SMYD3: variants seen among roughly 807,000 people sequenced by gnomAD.
The protein encoded by SMYD3 is histone-lysine N-methyltransferase SMYD3.
A neutral mutation model predicts 57.7 loss-of-function variants in SMYD3; 36 were observed. That is an observed-to-expected ratio of 0.62 (90% CI 0.48 to 0.82). The LOEUF is 0.82. Ranked by LOEUF, SMYD3 falls within the 40% of genes least tolerant of loss-of-function variation. The probability of loss-of-function intolerance (pLI) is 0.00; values close to 1 mark genes in which losing one functional copy is unlikely to be tolerated. For synonymous variants in SMYD3, 211 were observed against 195.0 expected, an observed-to-expected ratio of 1.08 and a Z score of -0.68; for missense variants, 515 against 538.8, an observed-to-expected ratio of 0.96 and a Z score of 0.44.
At chr1:246,325,547 T>G (rs1279666491) in intron 5 of SMYD3, among the ~76,000 whole-genome samples, 1 of 152,102 alleles carries the variant, frequency 6.6e-6, no homozygotes, top group Non-Finnish European at 1.5e-5. Flanking sequence ...AGCATTATAT[T>G]AAAAATTGGT....
At chr1:245,825,790 G>A (rs1396115009) in intron 10 of SMYD3, among the ~76,000 whole-genome samples, 2 of 151,680 alleles carry the variant, frequency 1.3e-5, no homozygotes. Flanking sequence ...CTGTGAGACA[G>A]ATACTAATTA....
At chr1:246,169,069 C>T (rs1572146043) in intron 5 of SMYD3, among the ~76,000 whole-genome samples, 1 of 152,138 alleles carries the variant, frequency 6.6e-6, no homozygotes, top group Non-Finnish European at 1.5e-5. Context: ...CTCTGCTTCA[C>T]TTGAATTCCT....
chr1:245,930,477 C>A (rs2056647426), intron 5 of SMYD3: 1 of 290,362 alleles, frequency 3.4e-6, no homozygotes, highest in Non-Finnish European at 6.6e-6. Context: ...TTAGTCAAGC[C>A]ATGGTATTTA....
intron 1 of SMYD3, among the ~76,000 whole-genome samples, chr1:246,495,222 G>A (rs933284455): frequency 1.1e-4 from 17 of 151,864 alleles, no homozygotes; most frequent in East Asian, 5.8e-4. Context: ...GGTGGCGGGC[G>A]CCTGTAGTCC....
At chr1:246,071,054 A>G (rs932173422) in intron 5 of SMYD3, among the ~76,000 whole-genome samples, 2 of 152,240 alleles carry the variant, frequency 1.3e-5, no homozygotes, top group Non-Finnish European at 2.9e-5. Context: ...TCCTAAGAAG[A>G]TTACAATAGG....
rs113368613 is a variant in SMYD3, at chr1:246,086,807, G to A, written c.532-156870C>T. Among the ~76,000 whole-genome samples, 15 of 151,978 alleles carry A rather than the reference G, an allele frequency of 9.9e-5. 1 individual carries two copies. The highest frequency in any genetic ancestry group is 3.6e-4 in the African/African-American group (15 of 41,410). ...AGGTAAATGTGTGCCATGGTGGTTT[G>A]CTGTACCTATCAATCCATCACCTAG... On this transcript the variant is annotated intron_variant, in intron 5 of 11. Coordinates refer to ENST00000490107, the MANE Select transcript of SMYD3 (RefSeq NM_001167740.2).
intron 5 of SMYD3, among the ~76,000 whole-genome samples, chr1:245,931,506 A>G (rs1041564844): frequency 5.9e-5 from 9 of 152,340 alleles, no homozygotes; most frequent in African/African-American, 9.6e-5. Flanking sequence ...AGCAAGTCCA[A>G]CAGTTCTGTT....
intron 5 of SMYD3, among the ~76,000 whole-genome samples, chr1:246,173,315 A>G (rs375475245): frequency 1.6e-4 from 25 of 152,222 alleles, no homozygotes; most frequent in Admixed American, 3.3e-4. Flanking sequence ...TAGGCTACAC[A>G]GGCCTAGAAC....
chr1:246,234,439 C>T (rs1373503754), intron 5 of SMYD3, among the ~76,000 whole-genome samples: 2 of 152,068 alleles, frequency 1.3e-5, no homozygotes, highest in Non-Finnish European at 2.9e-5. Context: ...TGAACATATA[C>T]CATGCAGAGA....
intron 5 of SMYD3, among the ~76,000 whole-genome samples, chr1:245,934,734 G>A (rs2056906221): frequency 6.6e-6 from 1 of 152,044 alleles, no homozygotes; most frequent in South Asian, 2.1e-4. Context: ...GAGAGTACAG[G>A]TGATTTCGGC....
At chr1:245,798,276 C>T (rs2047641522) in intron 10 of SMYD3, among the ~76,000 whole-genome samples, 2 of 151,504 alleles carry the variant, frequency 1.3e-5, no homozygotes, top group Non-Finnish European at 2.9e-5. Context: ...CCCTTCCCTA[C>T]CCTCAAAAGA....
chr1:246,237,176 CTG>C (rs1372801995), intron 5 of SMYD3, among the ~76,000 whole-genome samples: 1 of 152,130 alleles, frequency 6.6e-6, no homozygotes, highest in Non-Finnish European at 1.5e-5. Flanking sequence ...GACAGGTTCT[CTG>C]TGTGTGTTCC....
intron 5 of SMYD3, among the ~76,000 whole-genome samples, chr1:246,273,161 T>TTTTTTTTTTTTGG (rs2064258201): frequency 7.6e-6 from 1 of 131,080 alleles, no homozygotes; most frequent in Non-Finnish European, 1.6e-5. Flanking sequence ...TTCTTTTTTT[T>TTTTTTTTTTTTGG]GGGGGGGGGA....
At chr1:246,418,713 G>A (rs889737664) in intron 1 of SMYD3, among the ~76,000 whole-genome samples, 1 of 152,100 alleles carries the variant, frequency 6.6e-6, no homozygotes, top group African/African-American at 2.4e-5. Context: ...GGCGCTCGGT[G>A]ACCTGGGCTC....
chr1:246,244,879 T>A (rs1334346334), intron 5 of SMYD3, among the ~76,000 whole-genome samples: 1 of 152,188 alleles, frequency 6.6e-6, no homozygotes, highest in Non-Finnish European at 1.5e-5. Flanking sequence ...ATGGACTCCA[T>A]CTAAACATTA....
At chr1:246,270,353 G>A (rs1195974343) in intron 5 of SMYD3, among the ~76,000 whole-genome samples, 1 of 152,088 alleles carries the variant, frequency 6.6e-6, no homozygotes, top group African/African-American at 2.4e-5. Flanking sequence ...CCATAGTTAA[G>A]TATACACTTT....
chr1:246,477,540 T>C (rs185165131), intron 1 of SMYD3, among the ~76,000 whole-genome samples: 1 of 152,372 alleles, frequency 6.6e-6, no homozygotes, highest in Admixed American at 6.5e-5. Flanking sequence ...TCACCTTTAG[T>C]GACTGTGTGA....
At position 245,821,783 on chromosome 1, in the gene SMYD3, G is replaced by C. The variant is rs200401623; in HGVS notation, c.1076+36713C>G. On this transcript the variant is annotated intron_variant, in intron 10 of 11. Transcript: ENST00000490107. ...AAAGAAGACATTTATGCAGCCAAAA[G>C]ACACATGAAAACATGCTCATCATCA... 2.0e-4 allele frequency among the ~76,000 whole-genome samples: 30 copies of C among 151,920 alleles called. No individual in the cohort carries two copies. The South Asian group carries it at 4.8e-3, about 24-fold the overall frequency.
chr1:246,149,977 T>C (rs79054650), intron 5 of SMYD3, among the ~76,000 whole-genome samples: 17 of 152,226 alleles, frequency 1.1e-4, no homozygotes, highest in Non-Finnish European at 2.2e-4. Context: ...AACTTCTATA[T>C]GTACAAGCAA....
Sources: allele counts gnomAD v4.1 joint callset (sites outside exome capture counted in the v4.1 genomes callset), GRCh38; gene constraint gnomAD v4.1.1; transcripts MANE v1.5; gene names NCBI Gene and HGNC (gene_info 2026-07-23, HGNC 2026-07-21).